DGKI: variants seen among roughly 807,000 people sequenced by gnomAD.
The protein encoded by DGKI is diacylglycerol kinase iota.
A neutral mutation model predicts 147.5 loss-of-function variants in DGKI; 55 were observed. The observed-to-expected ratio is 0.37, with a 90% CI of 0.30 to 0.47. DGKI has a LOEUF of 0.47. DGKI is among the 20% of genes least tolerant of loss of function. DGKI has a pLI of 1.00. For synonymous variants in DGKI, 469 were observed against 477.1 expected (o/e 0.98, Z 0.22); for missense variants, 1,007 against 1,323.8 (o/e 0.76, Z 3.71).
At position 137,388,691 on chromosome 7, in the gene DGKI, A is replaced by G. The variant is rs1015213012; in HGVS notation, c.*2529T>C. 1.3e-5 allele frequency: 2 copies of G among 152,164 alleles called. No individual in the cohort carries two copies. Among genetic ancestry groups the G allele is most frequent in the African/African-American group, 4.8e-5 (2 of 41,438 alleles). 9.4% of individuals were successfully genotyped at this position (152,164 alleles called of 1,614,324 possible). ...TGGTTTAATGTTGAAGCCATTAAAC[A>G]TGTGGTTATTCTGCTCACTTTATTT... On this transcript the variant is annotated 3_prime_UTR_variant, in exon 33 of 33. Coordinates refer to ENST00000614521, the MANE Select transcript of DGKI (RefSeq NM_001321708.2).
chr7:137,763,004 T>G (rs59328875), intron 1 of DGKI, among the ~76,000 whole-genome samples: 5,384 of 152,314 alleles, frequency 0.035, 191 homozygotes, highest in African/African-American at 0.092. Context: ...CAATTTCATA[T>G]CACTTAGCAT....
At chr7:137,632,535 A>G (rs530558246) in intron 6 of DGKI, among the ~76,000 whole-genome samples, 3 of 152,324 alleles carry the variant, frequency 2.0e-5, no homozygotes, top group Middle Eastern at 3.4e-3. Flanking sequence ...GGTATGAAGC[A>G]GCACCAGGTA....
rs1217477339 is a variant in DGKI, at chr7:137,530,633, C to A, written c.2148-8667G>T. On this transcript the variant is annotated intron_variant, in intron 20 of 32. Transcript: ENST00000614521. ...TTTCAATATGTGTTAAATTACTGAT[C>A]CCCATATGGACTTCCTAAATTTGCG... is the stretch of plus-strand genomic sequence containing the variant. 3.9e-5 allele frequency among the ~76,000 whole-genome samples: 6 copies of A among 152,138 alleles called. No homozygotes were observed. The South Asian group carries it at 1.0e-3, about 26-fold the overall frequency.
intron 28 of DGKI, among the ~76,000 whole-genome samples, chr7:137,419,178 C>A (rs1210865330): frequency 6.6e-6 from 1 of 152,088 alleles, no homozygotes; most frequent in Non-Finnish European, 1.5e-5. Flanking sequence ...ATGAAAATAA[C>A]CCCCGGAAAA....
intron 1 of DGKI, chr7:137,774,662 G>A (rs1388566793): frequency 3.3e-5 from 5 of 152,114 alleles, no homozygotes; most frequent in Non-Finnish European, 7.3e-5. Flanking sequence ...TAGTATTCGA[G>A]TGCTCAGGAA....
Position 137,382,354 on chromosome 7 carries a change from A to C in DGKI, c.*8866T>G, listed in dbSNP as rs1811080072. On this transcript the variant is annotated 3_prime_UTR_variant, in exon 33 of 33. Transcript: ENST00000614521. ...CCCTAAATATTCCTTATTTTTTTCA[A>C]ACTTTATCAGGGACCAGAACAAGTT... 6.6e-6 allele frequency: 1 copy of C among 152,066 alleles called. No individual in the cohort carries two copies. Among genetic ancestry groups the C allele is most frequent in the African/African-American group, 2.4e-5 (1 of 41,410 alleles). 9.4% of individuals were successfully genotyped at this position (152,066 alleles called of 1,614,324 possible).
At chr7:137,449,471 A>G (rs879539564) in intron 27 of DGKI, among the ~76,000 whole-genome samples, 2 of 152,236 alleles carry the variant, frequency 1.3e-5, no homozygotes, top group Non-Finnish European at 2.9e-5. Flanking sequence ...ACTGCACACC[A>G]TGTGCAAAAA....
At position 137,631,356 on chromosome 7, in the gene DGKI, A is replaced by G. The variant is rs557290404; in HGVS notation, c.805-7802T>C. On this transcript the variant is annotated intron_variant, in intron 6 of 32. Transcript: ENST00000614521. ...ATGTAATATATGCCTTAGAGGGAGAAAAGAGTCTGCTCTCTAGAAATAGTT... is the reference window on the plus strand; with the variant it reads ...ATGTAATATATGCCTTAGAGGGAGAGAAGAGTCTGCTCTCTAGAAATAGTT... 3.9e-5 allele frequency among the ~76,000 whole-genome samples: 6 copies of G among 152,364 alleles called. No individual in the cohort carries two copies. The South Asian group carries it at 1.2e-3, about 32-fold the overall frequency.
At chr7:137,493,737 C>G (rs1443144696) in intron 21 of DGKI, 1 of 700,962 alleles carries the variant, frequency 1.4e-6, no homozygotes. Context: ...GAAAAAGAAC[C>G]AGCGCGAGAA....
chr7:137,454,213 T>A (rs1814092784), intron 27 of DGKI, among the ~76,000 whole-genome samples: 2 of 152,162 alleles, frequency 1.3e-5, no homozygotes, highest in Admixed American at 1.3e-4. Flanking sequence ...TATACGTACT[T>A]CAAAAAATCA....
At chr7:137,797,382 C>A (rs1401342282) in intron 1 of DGKI, among the ~76,000 whole-genome samples, 1 of 152,036 alleles carries the variant, frequency 6.6e-6, no homozygotes, top group Non-Finnish European at 1.5e-5. Flanking sequence ...ATAAAGGTAA[C>A]CACATAGGTA....
chr7:137,760,098 G>A (rs1795813058), intron 1 of DGKI, among the ~76,000 whole-genome samples: 1 of 152,094 alleles, frequency 6.6e-6, no homozygotes, highest in Non-Finnish European at 1.5e-5. Flanking sequence ...AGTCACAGAG[G>A]AGTCACTCCC....
intron 1 of DGKI, among the ~76,000 whole-genome samples, chr7:137,743,271 C>G (rs1795232788): frequency 6.6e-6 from 1 of 152,154 alleles, no homozygotes; most frequent in Admixed American, 6.5e-5. Flanking sequence ...GACACTGAAC[C>G]AACTGGATCT....
intron 1 of DGKI, among the ~76,000 whole-genome samples, chr7:137,742,623 A>G (rs1445069831): frequency 2.0e-5 from 3 of 152,178 alleles, no homozygotes. Flanking sequence ...TGAAATTAAT[A>G]CCCATGCTTA....
Position 137,727,206 on chromosome 7 carries a change from G to T in DGKI, c.402-37204C>A, listed in dbSNP as rs578235375. Among the ~76,000 whole-genome samples, 4 of 152,184 alleles carry T rather than the reference G, an allele frequency of 2.6e-5. No individual in the cohort carries two copies. In the East Asian group the frequency reaches 7.7e-4, roughly 29 times the overall value. On this transcript the variant is annotated intron_variant, in intron 1 of 32. Coordinates refer to ENST00000614521, the MANE Select transcript of DGKI (RefSeq NM_001321708.2). ...ATACAAAAGGGAGGAAAGGGGACAG[G>T]AATTACCAGCCAATCTTTCCTAAAT...
intron 1 of DGKI, among the ~76,000 whole-genome samples, chr7:137,842,386 T>C (rs947610882): frequency 6.6e-6 from 1 of 152,244 alleles, no homozygotes; most frequent in African/African-American, 2.4e-5. Context: ...ATTTTTTACA[T>C]GGTTGCCCAA....
chr7:137,432,339 GAAC>G (rs1813110951), intron 28 of DGKI, among the ~76,000 whole-genome samples: 1 of 152,246 alleles, frequency 6.6e-6, no homozygotes, highest in Middle Eastern at 3.4e-3. Context: ...TAATCCTAGA[GAAC>G]AATAGGCTTT....
intron 11 of DGKI, among the ~76,000 whole-genome samples, chr7:137,598,690 G>T (rs1329957585): frequency 3.3e-5 from 5 of 151,996 alleles, no homozygotes; most frequent in African/African-American, 9.7e-5. Flanking sequence ...ACAAAATATG[G>T]TTTTTTTCTG....
intron 20 of DGKI, among the ~76,000 whole-genome samples, chr7:137,551,365 C>G (rs1333309916): frequency 1.3e-5 from 2 of 152,090 alleles, no homozygotes; most frequent in African/African-American, 4.8e-5. Context: ...CTTCTGCATA[C>G]CGTTATATTG....
Sources: gnomAD v4.1 joint callset for allele counts (sites outside exome capture counted in the v4.1 genomes callset) on GRCh38, gnomAD v4.1.1 for gene constraint, MANE v1.5 for transcripts, NCBI Gene and HGNC (gene_info 2026-07-23, HGNC 2026-07-21) for gene names.